Variants in DLGAP4 observed in about 807,000 individuals in gnomAD.
The protein encoded by DLGAP4 is disks large-associated protein 4.
A neutral mutation model predicts 86.9 loss-of-function variants in DLGAP4; 18 were observed. The ratio of observed to expected loss-of-function variants is 0.21; its 90% CI spans 0.14 to 0.31. The LOEUF (loss-of-function observed/expected upper bound fraction) is 0.31, where lower values mean the gene tolerates loss of function less well. DLGAP4 is among the 10% of genes least tolerant of loss of function. DLGAP4 has a pLI of 1.00. For missense variants in DLGAP4, 1,085 were observed against 1,362.6 expected, an observed-to-expected ratio of 0.80 and a Z score of 3.21; for synonymous variants, 548 against 574.3, an observed-to-expected ratio of 0.95 and a Z score of 0.65.
chr20:36,432,501 A>G lies in DLGAP4; in HGVS notation c.784A>G (p.Thr262Ala). 1 of 1,613,084 alleles carries G rather than the reference A, an allele frequency of 6.2e-7. No homozygotes were observed. Among genetic ancestry groups the G allele is most frequent in the South Asian group, 1.1e-5 (1 of 91,030 alleles). ...HMLKTTKNNTTELTAPPPPPA... is the reference protein window; with the variant it reads ...HMLKTTKNNTAELTAPPPPPA... ...GCTCAAAACCACCAAGAACAACACT[A>G]CTGAGCTGACTGCCCCACCACCCCC... Residue 262 changes from threonine to alanine, a missense_variant, in exon 3 of 13, where the codon ACT (threonine) becomes GCT (alanine). Physicochemically the swap from Thr to Ala is moderately conservative, Grantham distance 58 (BLOSUM62 0). Transcript: ENST00000339266. This position sits in a 1 kb window ranked among gnomAD's most constrained non-coding sequence, Gnocchi z 6.5.
chr20:36,414,058 G>C (rs1017992650), intron 2 of DLGAP4, among the ~76,000 whole-genome samples: 2 of 152,064 alleles, frequency 1.3e-5, no homozygotes, highest in African/African-American at 2.4e-5. Context: ...TATCCAGCTG[G>C]TCCCGTTTGC....
At chr20:36,501,990 A>G (rs1375631501) in intron 10 of DLGAP4, among the ~76,000 whole-genome samples, 1 of 152,198 alleles carries the variant, frequency 6.6e-6, no homozygotes, top group Non-Finnish European at 1.5e-5. Context: ...CCCCACTTTC[A>G]GTTTTTACTA....
intron 1 of DLGAP4, among the ~76,000 whole-genome samples, chr20:36,352,162 G>C (rs1043332153): frequency 6.7e-6 from 1 of 149,798 alleles, no homozygotes; most frequent in Non-Finnish European, 1.5e-5. Flanking sequence ...AGCTGCAACT[G>C]AAGAAGAGGT....
intron 10 of DLGAP4, among the ~76,000 whole-genome samples, chr20:36,512,058 T>C (rs2147816381): frequency 6.8e-6 from 1 of 147,708 alleles, no homozygotes; most frequent in African/African-American, 2.5e-5. Flanking sequence ...TTTTTTTTTT[T>C]TTTTTTTTTT....
intron 7 of DLGAP4, among the ~76,000 whole-genome samples, chr20:36,465,082 A>G (rs2034282935): frequency 6.6e-6 from 1 of 152,150 alleles, no homozygotes; most frequent in Non-Finnish European, 1.5e-5. Context: ...TAGGCACTTA[A>G]TAAATGTGAA....
intron 7 of DLGAP4, among the ~76,000 whole-genome samples, chr20:36,449,005 G>A (rs543056742): frequency 1.8e-4 from 27 of 152,172 alleles, no homozygotes; most frequent in Non-Finnish European, 3.4e-4. Flanking sequence ...CTCAACCGGT[G>A]TTTGATGTAA....
chr20:36,338,636 T>C (rs1434469380), intron 1 of DLGAP4, among the ~76,000 whole-genome samples: 2 of 152,218 alleles, frequency 1.3e-5, no homozygotes, highest in African/African-American at 4.8e-5. Context: ...GCACCGCCTG[T>C]GTGCAAGGCC....
rs1362968603 is a variant in DLGAP4, at chr20:36,528,037, C to G, written c.*1006C>G. On this transcript the variant is annotated 3_prime_UTR_variant, in exon 13 of 13. Coordinates refer to ENST00000339266, the MANE Select transcript of DLGAP4 (RefSeq NM_001365621.2). ...CGCCGCTGGCTCTCGGGGCACCTGG[C>G]AGGAGGCGGGTGTGTGAATAGCATA... The G allele has an allele frequency of 1.3e-5, 2 of 152,766 alleles. No homozygotes were observed. Among genetic ancestry groups the G allele is most frequent in the African/African-American group, 4.8e-5 (2 of 41,568 alleles). The allele number at this position is 152,766 out of a possible 1,614,324, so 9.5% of individuals were successfully genotyped here. A position where few individuals can be genotyped will look rare whatever the true frequency, so the allele number is the denominator to read the frequency against.
rs530829734 is a variant in DLGAP4, at chr20:36,372,670, C to T, written c.-73+5395C>T. On this transcript the variant is annotated intron_variant, in intron 2 of 12. Transcript: ENST00000339266. ...CATGGAATCTTAGTCATAAATAATC[C>T]GGCAACTGCAAACATATGCATTTTG... Among the ~76,000 whole-genome samples, 494 of 152,254 alleles carry T rather than the reference C, an allele frequency of 3.2e-3. 5 individuals carry two copies. Among genetic ancestry groups the T allele is most frequent in the Non-Finnish European group, 5.2e-3 (354 of 68,028 alleles).
At chr20:36,385,190 C>T (rs993332466) in intron 2 of DLGAP4, among the ~76,000 whole-genome samples, 2 of 152,028 alleles carry the variant, frequency 1.3e-5, no homozygotes, top group African/African-American at 2.4e-5. Context: ...TGAGGAAATA[C>T]TGTTGTGTCA....
chr20:36,360,739 G>T (rs1175367189), intron 1 of DLGAP4, among the ~76,000 whole-genome samples: 1 of 151,750 alleles, frequency 6.6e-6, no homozygotes, highest in Non-Finnish European at 1.5e-5. Flanking sequence ...CGGGGCCTGA[G>T]CAGAGCATGG....
At chr20:36,373,856 G>A (rs1255968812) in intron 2 of DLGAP4, among the ~76,000 whole-genome samples, 1 of 152,000 alleles carries the variant, frequency 6.6e-6, no homozygotes, top group African/African-American at 2.4e-5. Flanking sequence ...GGCCAACATG[G>A]GGAAACCCTG....
chr20:36,510,974 A>C (rs1569523718), intron 10 of DLGAP4: 2 of 152,200 alleles, frequency 1.3e-5, no homozygotes, highest in Non-Finnish European at 2.9e-5. Context: ...TCATTCTTCC[A>C]ATATAAATTA....
At chr20:36,489,090 T>G (rs1010658811) in intron 7 of DLGAP4, among the ~76,000 whole-genome samples, 1 of 152,176 alleles carries the variant, frequency 6.6e-6, no homozygotes, top group Non-Finnish European at 1.5e-5. Context: ...GGGAAAAGTA[T>G]AGCACTAAAT....
Position 36,453,794 on chromosome 20 carries a change from A to G in DLGAP4, c.1648+6857A>G, listed in dbSNP as rs113874561. 9.6e-3 allele frequency among the ~76,000 whole-genome samples: 1,443 copies of G among 151,036 alleles called. 24 individuals carry two copies. The highest frequency in any genetic ancestry group is 0.034 in the African/African-American group (1,396 of 41,100). ...CTAAAAATACAAAAATTAGCTGGGC[A>G]TGGTAGCGGGCACCTATAATCCCAG... is the stretch of plus-strand genomic sequence containing the variant. On this transcript the variant is annotated intron_variant, in intron 7 of 12. Coordinates refer to ENST00000339266, the MANE Select transcript of DLGAP4 (RefSeq NM_001365621.2).
intron 1 of DLGAP4, among the ~76,000 whole-genome samples, chr20:36,341,524 G>C (rs78187513): frequency 6.6e-6 from 1 of 152,326 alleles, no homozygotes; most frequent in Admixed American, 6.5e-5. Context: ...CTTTGTTCCC[G>C]CAGTAACCCT....
intron 2 of DLGAP4, among the ~76,000 whole-genome samples, chr20:36,415,208 T>C (rs1377987344): frequency 6.6e-6 from 1 of 152,202 alleles, no homozygotes; most frequent in Non-Finnish European, 1.5e-5. Context: ...GAGGTTGCAG[T>C]GAGCCAAGGT....
At chr20:36,437,203 C>G (rs751603249) in intron 4 of DLGAP4, among the ~76,000 whole-genome samples, 2 of 152,204 alleles carry the variant, frequency 1.3e-5, no homozygotes, top group Non-Finnish European at 2.9e-5. Context: ...ATGAATTGAC[C>G]TCGAAGAGCC....
At chr20:36,467,021 T>TCC (rs2034417170) in intron 7 of DLGAP4, among the ~76,000 whole-genome samples, 2 of 13,348 alleles carry the variant, frequency 1.5e-4, no homozygotes, top group African/African-American at 3.6e-4. Flanking sequence ...CTCTCTCCTC[T>TCC]CTCTCTCTCT....
Sources: allele counts gnomAD v4.1 joint callset (sites outside exome capture counted in the v4.1 genomes callset), GRCh38; gene constraint gnomAD v4.1.1; non-coding constraint Gnocchi (gnomAD v3.1); transcripts MANE v1.5; gene names NCBI Gene and HGNC (gene_info 2026-07-23, HGNC 2026-07-21).